MAP7: variants seen among roughly 807,000 people sequenced by gnomAD.
MAP7 encodes the protein ensconsin.
A neutral mutation model predicts 94.8 loss-of-function variants in MAP7; 52 were observed. The observed-to-expected ratio is 0.55, with a 90% confidence interval of 0.44 to 0.69. MAP7 has a LOEUF of 0.69. Among genes scored for constraint, MAP7 ranks in the 30% least tolerant of loss-of-function variants. The pLI is 0.00. For synonymous variants in MAP7, 350 were observed against 357.0 expected (o/e 0.98, Z 0.22); for missense variants, 940 against 964.6 (o/e 0.97, Z 0.34).
chr6:136,404,381 C>T (rs568326823), intron 3 of MAP7, among the ~76,000 whole-genome samples: 11 of 149,638 alleles, frequency 7.4e-5, no homozygotes, highest in South Asian at 4.2e-4. Flanking sequence ...AAAGGAAGCC[C>T]GATGAAATTA....
intron 1 of MAP7, among the ~76,000 whole-genome samples, chr6:136,430,054 C>T (rs192712062): frequency 5.5e-4 from 84 of 152,178 alleles, no homozygotes; most frequent in African/African-American, 1.9e-3. Flanking sequence ...TCCAGTCACA[C>T]GGAGAAATGG....
At chr6:136,536,621 T>C (rs758243210) in intron 1 of MAP7, among the ~76,000 whole-genome samples, 126 of 152,342 alleles carry the variant, frequency 8.3e-4, no homozygotes, top group Non-Finnish European at 1.4e-3. Context: ...GAAATAGTAC[T>C]AGCTGGCTCC....
intron 1 of MAP7, among the ~76,000 whole-genome samples, chr6:136,510,988 GGT>G (rs1313978771): frequency 6.6e-6 from 1 of 152,034 alleles, no homozygotes; most frequent in Non-Finnish European, 1.5e-5. Context: ...TATCGTAGGT[GGT>G]GTGGAAACAA....
rs79927387 is a variant in MAP7 at position 136,502,902 on chromosome 6, T to C, written c.67+47440A>G. On this transcript the variant is annotated intron_variant, in intron 1 of 17. Coordinates refer to ENST00000354570, the MANE Select transcript of MAP7 (RefSeq NM_003980.6). The stretch of plus-strand genomic sequence containing the variant: ...CATACAATGCATCATGATATATGGC[T>C]GAGCTGAAAGCAAAACTGAGGTTGC... 3.8e-3 allele frequency among the ~76,000 whole-genome samples: 577 copies of C among 152,286 alleles called. 2 individuals are homozygous for C. Among genetic ancestry groups the C allele is most frequent in the African/African-American group, 0.013 (549 of 41,560 alleles).
At chr6:136,425,998 CTA>C (rs1276954732) in intron 1 of MAP7, among the ~76,000 whole-genome samples, 1 of 152,046 alleles carries the variant, frequency 6.6e-6, no homozygotes, top group East Asian at 1.9e-4. Flanking sequence ...TTTTCTTGTC[CTA>C]TGTTTCTAGG....
intron 1 of MAP7, among the ~76,000 whole-genome samples, chr6:136,510,077 C>T (rs1411340491): frequency 2.0e-5 from 3 of 152,074 alleles, no homozygotes; most frequent in Non-Finnish European, 4.4e-5. Context: ...TGGCGTGTGC[C>T]TGTAGTCCCT....
intron 16 of MAP7, among the ~76,000 whole-genome samples, chr6:136,356,037 T>G (rs149616639): frequency 2.6e-5 from 4 of 152,324 alleles, no homozygotes; most frequent in African/African-American, 9.6e-5. Flanking sequence ...GACTTTTATA[T>G]GGAACAAACA....
intron 1 of MAP7, among the ~76,000 whole-genome samples, chr6:136,448,942 C>T (rs1800179876): frequency 6.6e-6 from 1 of 151,728 alleles, no homozygotes; most frequent in Non-Finnish European, 1.5e-5. Flanking sequence ...CGCATCTGTT[C>T]CCCCACTTAA....
intron 1 of MAP7, among the ~76,000 whole-genome samples, chr6:136,514,967 T>A (rs1018033743): frequency 2.0e-5 from 3 of 152,244 alleles, no homozygotes; most frequent in African/African-American, 7.2e-5. Flanking sequence ...ACTCTCTGTC[T>A]ATCAACGTCC....
At chr6:136,439,559 GC>G (rs1797275572) in intron 1 of MAP7, among the ~76,000 whole-genome samples, 1 of 152,080 alleles carries the variant, frequency 6.6e-6, no homozygotes, top group Admixed American at 6.6e-5. Flanking sequence ...GATGAATAAC[GC>G]CACACTGCTC....
At chr6:136,505,277 G>GTATATATATATATATA (rs56764706) in intron 1 of MAP7, among the ~76,000 whole-genome samples, 30 of 53,816 alleles carry the variant, frequency 5.6e-4, no homozygotes, top group African/African-American at 1.4e-3. Context: ...GTGTGTGTGT[G>GTATATATATATATATA]TATATATATA....
chr6:136,458,337 C>T (rs533461984), intron 1 of MAP7, among the ~76,000 whole-genome samples: 17 of 152,038 alleles, frequency 1.1e-4, no homozygotes, highest in Non-Finnish European at 2.1e-4. Flanking sequence ...ATATTGTCAA[C>T]ATGTCCACAC....
intron 6 of MAP7, among the ~76,000 whole-genome samples, chr6:136,382,746 T>C (rs1177098669): frequency 6.6e-6 from 1 of 152,158 alleles, no homozygotes; most frequent in Non-Finnish European, 1.5e-5. Context: ...TAAATATACA[T>C]ACACACATAC....
chr6:136,523,134 T>C (rs894932014), intron 1 of MAP7, among the ~76,000 whole-genome samples: 1 of 152,162 alleles, frequency 6.6e-6, no homozygotes, highest in Non-Finnish European at 1.5e-5. Flanking sequence ...ATAATAATAA[T>C]CAGAACAGTG....
intron 3 of MAP7, among the ~76,000 whole-genome samples, chr6:136,398,191 A>C (rs1170168470): frequency 6.6e-6 from 1 of 152,220 alleles, no homozygotes; most frequent in Non-Finnish European, 1.5e-5. Flanking sequence ...GATAGAGGAC[A>C]GTTTCTGGCT....
intron 5 of MAP7, among the ~76,000 whole-genome samples, chr6:136,384,290 G>C (rs912403666): frequency 1.3e-5 from 2 of 151,930 alleles, no homozygotes; most frequent in African/African-American, 4.8e-5. Flanking sequence ...GCTCGTTGTT[G>C]TTGTTGTTGT....
rs372369666 is a variant in MAP7, at chr6:136,411,599, T to A, written c.244+21A>T. On this transcript the variant is annotated intron_variant, in intron 3 of 17. Transcript: ENST00000354570. Reference sequence around the variant, plus strand: ...GTGACATCCATTCAAATCAGGGCCATGGACACGGGGCCTGGGGTACCTAGC... The same window carrying A: ...GTGACATCCATTCAAATCAGGGCCAAGGACACGGGGCCTGGGGTACCTAGC... 3 of 1,553,116 alleles carry A rather than the reference T, an allele frequency of 1.9e-6. No homozygotes were observed. The South Asian group carries it at 3.6e-5, about 18-fold the overall frequency.
At chr6:136,457,237 C>T (rs989311809) in intron 1 of MAP7, among the ~76,000 whole-genome samples, 2 of 150,556 alleles carry the variant, frequency 1.3e-5, no homozygotes, top group Non-Finnish European at 3.0e-5. Context: ...ACAGAACCTA[C>T]TAACATTGAA....
intron 2 of MAP7, among the ~76,000 whole-genome samples, chr6:136,419,409 A>G (rs770970898): frequency 2.0e-5 from 3 of 152,156 alleles, no homozygotes; most frequent in South Asian, 2.1e-4. Flanking sequence ...ATGTGATTTT[A>G]TTTTATTTTT....
Sources: gnomAD v4.1 joint callset for allele counts (sites outside exome capture counted in the v4.1 genomes callset) on GRCh38, gnomAD v4.1.1 for gene constraint, MANE v1.5 for transcripts, NCBI Gene and HGNC (gene_info 2026-07-23, HGNC 2026-07-21) for gene names.